The following XKR6 variants were observed in gnomAD, a reference collection of about 807,000 sequenced individuals.
XKR6 encodes the protein XK related 6, also known as XK-related protein 6.
Under a neutral mutation model 56.7 loss-of-function variants are expected in XKR6, and 22 were observed. The observed-to-expected ratio is 0.39, with a 90% CI of 0.28 to 0.55. The LOEUF is 0.55. Among genes scored for constraint, XKR6 ranks in the 20% least tolerant of loss-of-function variants. The pLI, the probability that XKR6 is intolerant of heterozygous loss-of-function variation, is 0.66. For synonymous variants in XKR6, 524 were observed against 387.8 expected, an observed-to-expected ratio of 1.35 and a Z score of -4.13; for missense variants, 852 against 889.0, an observed-to-expected ratio of 0.96 and a Z score of 0.53.
intron 1 of XKR6, chr8:11,128,946 C>G (rs1448348025): frequency 4.4e-6 from 2 of 456,546 alleles, no homozygotes; most frequent in South Asian, 1.5e-5. Context: ...AATAAAGCAG[C>G]CAGAAAGTCT....
At chr8:11,142,248 T>C (rs1049248223) in intron 1 of XKR6, among the ~76,000 whole-genome samples, 3 of 152,142 alleles carry the variant, frequency 2.0e-5, no homozygotes, top group African/African-American at 7.2e-5. Context: ...AACTAGGACT[T>C]CTTTGAAAAT....
At chr8:11,158,057 A>G (rs1229391640) in intron 1 of XKR6, among the ~76,000 whole-genome samples, 1 of 152,202 alleles carries the variant, frequency 6.6e-6, no homozygotes, top group Admixed American at 6.5e-5. Context: ...TTGATGATGA[A>G]GCTTCAAACG....
intron 1 of XKR6, among the ~76,000 whole-genome samples, chr8:11,168,502 A>C (rs1802198495): frequency 6.6e-6 from 1 of 152,186 alleles, no homozygotes; most frequent in Non-Finnish European, 1.5e-5. Flanking sequence ...ACAAAAGATA[A>C]ATAGGGAAAC....
In XKR6 at chr8:10,904,226, C is replaced by T. The variant is rs563834319; in HGVS notation, c.962-5310G>A. ...GGCAGCGCTGGCAGCATGCCCACTG[C>T]GCTGACCTTAGTGCAGTGCCACTGG... On this transcript the variant is annotated intron_variant, in intron 2 of 2. Transcript: ENST00000416569. Among the ~76,000 whole-genome samples, 229 of 152,300 alleles carry T rather than the reference C, an allele frequency of 1.5e-3. 3 individuals are homozygous for T. Among genetic ancestry groups the T allele is most frequent in the African/African-American group, 5.0e-3 (209 of 41,554 alleles).
intron 1 of XKR6, among the ~76,000 whole-genome samples, chr8:11,193,486 T>C (rs1248802018): frequency 6.6e-6 from 1 of 152,232 alleles, no homozygotes; most frequent in East Asian, 1.9e-4. Flanking sequence ...ACTATATTAA[T>C]GTCACTGTAA....
chr8:11,121,060 G>GGTTTATGGT (rs1799428809), intron 1 of XKR6, among the ~76,000 whole-genome samples: 1 of 152,154 alleles, frequency 6.6e-6, no homozygotes, highest in Non-Finnish European at 1.5e-5. Context: ...AGCCTTACAT[G>GGTTTATGGT]TTAGACCTAA....
At chr8:11,138,395 G>A (rs1019144838) in intron 1 of XKR6, 1 of 152,266 alleles carries the variant, frequency 6.6e-6, no homozygotes, top group African/African-American at 2.4e-5. Flanking sequence ...CAAGTTTCTA[G>A]CTGTTAACAA....
chr8:11,026,563 C>T (rs1054258863), intron 1 of XKR6, among the ~76,000 whole-genome samples: 3 of 151,380 alleles, frequency 2.0e-5, no homozygotes, highest in Admixed American at 6.6e-5. Flanking sequence ...CTACTAAACT[C>T]TTAATGGCGT....
At chr8:11,195,200 T>C (rs1563211539) in intron 1 of XKR6, 2 of 703,164 alleles carry the variant, frequency 2.8e-6, no homozygotes. Flanking sequence ...TTTTCCTTGA[T>C]GGTACCAAAG....
intron 1 of XKR6, among the ~76,000 whole-genome samples, chr8:11,069,094 G>C (rs1295148982): frequency 6.6e-6 from 1 of 152,008 alleles, no homozygotes; most frequent in Non-Finnish European, 1.5e-5. Flanking sequence ...GCAGAGCTGA[G>C]ACCGATACCA....
chr8:11,015,034 T>A (rs1798586497), intron 1 of XKR6, among the ~76,000 whole-genome samples: 1 of 152,150 alleles, frequency 6.6e-6, no homozygotes, highest in African/African-American at 2.4e-5. Context: ...GGACAGGGAC[T>A]GATGATTCTG....
At chr8:10,913,324 CCT>C (rs1366095212) in intron 2 of XKR6, among the ~76,000 whole-genome samples, 1 of 152,030 alleles carries the variant, frequency 6.6e-6, no homozygotes, top group African/African-American at 2.4e-5. Flanking sequence ...TCCCCAGCAT[CCT>C]CTGTGAGGAG....
intron 1 of XKR6, among the ~76,000 whole-genome samples, chr8:10,933,740 C>G (rs1414275820): frequency 1.3e-5 from 2 of 150,254 alleles, no homozygotes; most frequent in Admixed American, 1.3e-4. Context: ...GGGCTCTATT[C>G]TGTTCCATTG....
chr8:10,962,900 G>A (rs1442203407), intron 1 of XKR6, among the ~76,000 whole-genome samples: 1 of 152,210 alleles, frequency 6.6e-6, no homozygotes, highest in African/African-American at 2.4e-5. Context: ...TGAGATTACA[G>A]GCATGAGCCA....
chr8:10,938,237 C>A (rs966537837), intron 1 of XKR6, among the ~76,000 whole-genome samples: 1 of 152,212 alleles, frequency 6.6e-6, no homozygotes, highest in African/African-American at 2.4e-5. Context: ...CCAGGTGAGA[C>A]AATGCCTCGC....
At chr8:10,950,579 G>A (rs889882542) in intron 1 of XKR6, among the ~76,000 whole-genome samples, 8 of 152,228 alleles carry the variant, frequency 5.3e-5, no homozygotes, top group Admixed American at 3.9e-4. Context: ...TGCAAATGAA[G>A]AAAGGGATGT....
intron 1 of XKR6, among the ~76,000 whole-genome samples, chr8:11,169,602 A>C (rs1802260707): frequency 6.6e-6 from 1 of 152,222 alleles, no homozygotes; most frequent in African/African-American, 2.4e-5. Context: ...GAGAGAAATT[A>C]GCATACAGTT....
At chr8:11,077,627 T>C (rs1057196338) in intron 1 of XKR6, among the ~76,000 whole-genome samples, 6 of 152,186 alleles carry the variant, frequency 3.9e-5, no homozygotes, top group African/African-American at 1.4e-4. Flanking sequence ...CTTTGGTCTT[T>C]GGCTGAAGCT....
At chr8:11,193,254 G>C (rs754517581) in intron 1 of XKR6, among the ~76,000 whole-genome samples, 1 of 152,040 alleles carries the variant, frequency 6.6e-6, no homozygotes, top group East Asian at 1.9e-4. Context: ...AAACTAAGAA[G>C]ACAAAAACAC....
Sources: gnomAD v4.1 joint callset for allele counts (sites outside exome capture counted in the v4.1 genomes callset) on GRCh38, gnomAD v4.1.1 for gene constraint, MANE v1.5 for transcripts, NCBI Gene and HGNC (gene_info 2026-07-23, HGNC 2026-07-21) for gene names.